The following MYH8 variants were observed in gnomAD, a reference collection of about 807,000 sequenced individuals.
MYH8 encodes myosin heavy chain 8, also known as myosin-8.
MYH8 carries 168 observed loss-of-function variants against 233.2 expected under a neutral mutation model. The ratio of observed to expected loss-of-function variants is 0.72; its 90% CI spans 0.64 to 0.82. MYH8 has a LOEUF of 0.82. Among genes scored for constraint, MYH8 ranks in the 40% least tolerant of loss-of-function variants. The pLI is 0.00. For missense variants in MYH8, 1,995 were observed against 2,327.8 expected, an observed-to-expected ratio of 0.86 and a Z score of 2.94; for synonymous variants, 785 against 850.6, an observed-to-expected ratio of 0.92 and a Z score of 1.34.
chr17:10,411,256 G>A (rs1487831327), intron 14 of MYH8, among the ~76,000 whole-genome samples: 2 of 151,774 alleles, frequency 1.3e-5, no homozygotes, highest in Admixed American at 6.6e-5. Flanking sequence ...TGCACCTGTA[G>A]TCCCAGCTAC....
At position 10,399,486 on chromosome 17, in the gene MYH8, C is replaced by G. The variant is rs1597398764; in HGVS notation, c.3862+57G>C. On this transcript the variant is annotated intron_variant, in intron 28 of 39. Transcript: ENST00000403437. ...TGGGAATATTGCTATTTATTAGAAC[C>G]CCTAGAATCCATTTTATTTAGTCCA... is the stretch of plus-strand genomic sequence containing the variant. The G allele has an allele frequency of 1.9e-6, 3 of 1,610,752 alleles. No individual in the cohort carries two copies. The East Asian group carries it at 6.7e-5, about 36-fold the overall frequency.
rs1188612954 is a variant in MYH8, at chr17:10,400,624, G to A, written c.3501C>T (p.Asn1167=). ...GGATSAQVEL[N]KKREAEFQKL... is the part of the protein sequence containing the mutation. ...TCTGAAACTCAGCCTCCCGCTTCTTGTTCAATTCCACCTGAGCAGAAGTTG... is the reference window on the plus strand; with the variant it reads ...TCTGAAACTCAGCCTCCCGCTTCTTATTCAATTCCACCTGAGCAGAAGTTG... The change falls in exon 27 of 40, where the codon AAC becomes AAT. Residue 1167 remains asparagine, a synonymous_variant. Transcript: ENST00000403437. This position sits in a 1 kb window ranked among gnomAD's most constrained non-coding sequence, Gnocchi z 4.0. 1.9e-6 allele frequency: 3 copies of A among 1,614,078 alleles called. No homozygotes were observed. The highest frequency in any genetic ancestry group is 2.5e-6 in the Non-Finnish European group (3 of 1,180,052).
At position 10,396,628 on chromosome 17, in the gene MYH8, A is replaced by G; in HGVS notation, c.4453T>C (p.Phe1485Leu). The G allele has an allele frequency of 1.2e-6, 2 of 1,614,196 alleles. No individual in the cohort carries two copies. Among genetic ancestry groups the G allele is most frequent in the Non-Finnish European group, 1.7e-6 (2 of 1,180,040 alleles). The change falls in exon 32 of 40, where the codon TTC becomes CTC. Residue 1485 changes from phenylalanine to leucine, a missense_variant. Physicochemically the swap from Phe to Leu is conservative, Grantham distance 22. Transcript: ENST00000403437. This position sits in a 1 kb window ranked among gnomAD's most constrained non-coding sequence, Gnocchi z 4.2. ...TCCTCATAGACATTCTTCACCTTGA[A>G]CAGCTCAGTGCTAAGAGAACGTGAC... ...KESRSLSTEL[F>L]KVKNVYEESL... is the part of the protein sequence containing the mutation.
chr17:10,407,105 C>T, intron 17 of MYH8, 126 bp from the exon 18 acceptor site: 2 of 779,648 alleles, frequency 2.6e-6, no homozygotes, highest in Non-Finnish European at 4.4e-6. Flanking sequence ...TTCAATTGCT[C>T]TGTATTTTGA....
chr17:10,404,608 G>A, intron 21 of MYH8, 23 bp from the exon 22 acceptor site: 1 of 1,613,368 alleles, frequency 6.2e-7, no homozygotes, highest in South Asian at 1.1e-5. Context: ...GAAAATATCA[G>A]TGTAGACTAA....
intron 34 of MYH8, 102 bp downstream of exon 34, chr17:10,395,031 A>T: frequency 1.5e-6 from 2 of 1,296,858 alleles, no homozygotes; most frequent in Non-Finnish European, 1.1e-6. Flanking sequence ...TCAGCTGTAT[A>T]ATTTGTTAAG....
At chr17:10,401,825 T>G (rs1227968618) in intron 22 of MYH8, 40 bp from the exon 23 acceptor site, 2 of 1,613,452 alleles carry the variant, frequency 1.2e-6, no homozygotes, top group Admixed American at 1.7e-5. Flanking sequence ...GTCTGTTACT[T>G]ATTTTGAAAC....
chr17:10,419,969 T>C lies in MYH8; in HGVS notation c.210+49A>G, dbSNP rs781600909. The stretch of plus-strand genomic sequence containing the variant: ...TTCCCAGTAAGTTAGGCTTCAACTT[T>C]TGAACCAAGAAATAAAATGGGGAGT... On this transcript the variant is annotated intron_variant, in intron 3 of 39. Coordinates refer to ENST00000403437, the MANE Select transcript of MYH8 (RefSeq NM_002472.3). This position sits in a 1 kb window ranked among gnomAD's most constrained non-coding sequence, Gnocchi z 4.0. The C allele has an allele frequency of 2.5e-6, 4 of 1,592,446 alleles. No individual in the cohort carries two copies. The East Asian group carries it at 8.9e-5, about 36-fold the overall frequency.
In MYH8 at chr17:10,398,772, G is replaced by C; in HGVS notation, c.3977C>G (p.Thr1326Ser). Residue 1326 changes from threonine (T) to serine (S), a missense_variant, in exon 29 of 40, where the codon ACT (threonine) becomes AGT (serine). Thr to Ser is a moderately conservative substitution (Grantham distance 58). Transcript: ENST00000403437. ...EELKHQLEEETKAKNALAHAL... is the reference protein window; with the variant it reads ...EELKHQLEEESKAKNALAHAL... ...AAAATCCTTGGCAAAACTCACTTTA[G>C]TTTCTTCCTCTAGTTGATGTTTCAG... The C allele has an allele frequency of 6.2e-7, 1 of 1,614,004 alleles. No homozygotes were observed. Among genetic ancestry groups the C allele is most frequent in the African/African-American group, 1.3e-5 (1 of 75,022 alleles).
intron 27 of MYH8, 117 bp from the exon 28 acceptor site, chr17:10,399,786 G>T: frequency 7.1e-7 from 1 of 1,410,912 alleles, no homozygotes. Flanking sequence ...TAGAAAGTTA[G>T]GACATCAACT....
At chr17:10,413,188 GCATGATCCCTA>G (rs1310606962) in intron 12 of MYH8, among the ~76,000 whole-genome samples, 1 of 152,150 alleles carries the variant, frequency 6.6e-6, no homozygotes, top group African/African-American at 2.4e-5. Flanking sequence ...AAAATTTACT[GCATGATCCCTA>G]CAGAATCCCT....
chr17:10,415,699 T>A lies in MYH8; in HGVS notation c.521A>T (p.Asn174Ile). 1.2e-6 allele frequency: 2 copies of A among 1,613,944 alleles called. No individual in the cohort carries two copies. The highest frequency in any genetic ancestry group is 1.7e-6 in the Non-Finnish European group (2 of 1,179,870). The stretch of plus-strand genomic sequence containing the variant: ...CACATACGTGATCAGGATGGACTGA[T>A]TCTCTCGATCTGTGAAAGAATTCAA... ...AYQFMLTDRE[N>I]QSILITGESG... Residue 174 changes from asparagine to isoleucine, a missense_variant, in exon 6 of 40, where the codon AAT (asparagine) becomes ATT (isoleucine). Coordinates refer to ENST00000403437, the MANE Select transcript of MYH8 (RefSeq NM_002472.3). This position sits in a 1 kb window ranked among gnomAD's most constrained non-coding sequence, Gnocchi z 4.1.
At chr17:10,420,961 C>T (rs953257119) in intron 2 of MYH8, among the ~76,000 whole-genome samples, 2 of 152,150 alleles carry the variant, frequency 1.3e-5, no homozygotes, top group African/African-American at 4.8e-5. Context: ...CACAAAGGCC[C>T]TTCTTCCCAC....
Position 10,396,600 on chromosome 17 carries a change from G to C in MYH8, c.4481C>G (p.Ser1494Cys), listed in dbSNP as rs764606216. The change falls in exon 32 of 40, where the codon TCC (serine) becomes TGC (cysteine). Residue 1494 changes from serine to cysteine, a missense_variant. Coordinates refer to ENST00000403437, the MANE Select transcript of MYH8 (RefSeq NM_002472.3). The surrounding 1 kb of genome is among the most constrained non-coding windows in gnomAD (Gnocchi z 4.2). ...LFKVKNVYEESLDQLETLRRE... is the reference protein window; with the variant it reads ...LFKVKNVYEECLDQLETLRRE... Reference sequence around the variant, plus strand: ...TCTTAGCGTTTCGAGTTGATCCAGGGATTCCTCATAGACATTCTTCACCTT... The same window carrying C: ...TCTTAGCGTTTCGAGTTGATCCAGGCATTCCTCATAGACATTCTTCACCTT... 1 of 1,614,176 alleles carries C rather than the reference G, an allele frequency of 6.2e-7. No individual in the cohort carries two copies. The highest frequency in any genetic ancestry group is 1.7e-5 in the Admixed American group (1 of 60,024).
At position 10,415,382 on chromosome 17, in the gene MYH8, C is replaced by A. The variant is rs762432931; in HGVS notation, c.651G>T (p.Gly217=). The A allele has an allele frequency of 1.2e-6, 2 of 1,614,130 alleles. No individual in the cohort carries two copies. The highest frequency in any genetic ancestry group is 1.7e-6 in the Non-Finnish European group (2 of 1,179,996). ...KKKDESGKMQ[G]TLEDQIISAN... is the part of the protein sequence containing the mutation. ...CGCTGATGATTTGATCTTCCAGAGT[C>A]CCCTGCAAAGGAAGGAGCAGTTCTC... Residue 217 remains glycine (G), a splice_region_variant and synonymous_variant, in exon 8 of 40, where the codon GGG becomes GGT. Coordinates refer to ENST00000403437, the MANE Select transcript of MYH8 (RefSeq NM_002472.3). The surrounding 1 kb of genome is among the most constrained non-coding windows in gnomAD (Gnocchi z 4.1).
chr17:10,398,722 G>A (rs780575615), intron 29 of MYH8, 46 bp downstream of exon 29: 1 of 1,613,464 alleles, frequency 6.2e-7, no homozygotes. Context: ...GCCTAACTGG[G>A]CAGGTTTAGA....
chr17:10,419,910 A>G lies in MYH8; in HGVS notation c.210+108T>C, dbSNP rs531995740. On this transcript the variant is annotated intron_variant, in intron 3 of 39. Coordinates refer to ENST00000403437, the MANE Select transcript of MYH8 (RefSeq NM_002472.3). This position sits in a 1 kb window ranked among gnomAD's most constrained non-coding sequence, Gnocchi z 4.0. ...CACATCTAATGTCTCAACACTGACT[A>G]GAAGGGTGTTTGCATTGGCAACAGG... is the stretch of plus-strand genomic sequence containing the variant. The G allele has an allele frequency of 8.5e-6, 10 of 1,182,278 alleles. No homozygotes were observed. In the East Asian group the frequency reaches 1.9e-4, roughly 22 times the overall value. The allele number at this position is 1,182,278 out of a possible 1,614,324, so 73.2% of individuals were successfully genotyped here.
rs149941951 is a variant in MYH8 at position 10,418,937 on chromosome 17, G to C, written c.304C>G (p.Pro102Ala). 9.4e-5 allele frequency: 152 copies of C among 1,614,070 alleles called. No homozygotes were observed. Among genetic ancestry groups the C allele is most frequent in the Middle Eastern group, 1.6e-4 (1 of 6,084 alleles). ...DMAMMTHLHE[P>A]GVLYNLKERY... The stretch of plus-strand genomic sequence containing the variant: ...TCTTTGAGGTTGTACAGCACTCCAG[G>C]CTCGTGTAGATGAGTCATCATGGCC... Residue 102 changes from proline (P) to alanine (A), a missense_variant, in exon 4 of 40, where the codon CCT (proline) becomes GCT (alanine). By Grantham distance (27) the Pro-to-Ala change is conservative. Coordinates refer to ENST00000403437, the MANE Select transcript of MYH8 (RefSeq NM_002472.3).
chr17:10,400,315 A>T lies in MYH8; in HGVS notation c.3735+75T>A. ...TTGAGTAGTGCTGTAAAATGCCTGCAAACAATGTTTAGTGATAGAGAATAA... is the reference window on the plus strand; with the variant it reads ...TTGAGTAGTGCTGTAAAATGCCTGCTAACAATGTTTAGTGATAGAGAATAA... On this transcript the variant is annotated intron_variant, in intron 27 of 39. Coordinates refer to ENST00000403437, the MANE Select transcript of MYH8 (RefSeq NM_002472.3). This position sits in a 1 kb window ranked among gnomAD's most constrained non-coding sequence, Gnocchi z 4.0. 1 of 1,574,326 alleles carries T rather than the reference A, an allele frequency of 6.4e-7. No homozygotes were observed. The highest frequency in any genetic ancestry group is 8.7e-7 in the Non-Finnish European group (1 of 1,154,102).
Sources: gnomAD v4.1 joint callset for allele counts (sites outside exome capture counted in the v4.1 genomes callset) on GRCh38, gnomAD v4.1.1 for gene constraint, Gnocchi (gnomAD v3.1) non-coding constraint, MANE v1.5 for transcripts, NCBI Gene and HGNC (gene_info 2026-07-23, HGNC 2026-07-21) for gene names.